CFAP99: variants seen among roughly 807,000 people sequenced by gnomAD.
The protein encoded by CFAP99 is cilia- and flagella-associated protein 99.
Under a neutral mutation model 82.7 loss-of-function variants are expected in CFAP99, and 84 were observed. The observed-to-expected ratio is 1.02, with a 90% CI of 0.85 to 1.22. The LOEUF is 1.22. CFAP99 is among the 50% of genes most tolerant of loss of function. The pLI is 0.00. For synonymous variants in CFAP99, 456 were observed against 429.5 expected (o/e 1.06, Z -0.76); for missense variants, 1,059 against 983.5 (o/e 1.08, Z -1.03).
At chr4:2,442,713 C>T (rs1347174063) in intron 4 of CFAP99, among the ~76,000 whole-genome samples, 2 of 152,194 alleles carry the variant, frequency 1.3e-5, no homozygotes, top group African/African-American at 4.8e-5. Flanking sequence ...GGATGTGCCG[C>T]CAGCTTCTCA....
In CFAP99 at chr4:2,462,885, G is replaced by A; in HGVS notation, c.2104G>A (p.Gly702Ser). Residue 702 changes from glycine (G) to serine (S), a missense_variant, in exon 15 of 15, where the codon GGC becomes AGC. Coordinates refer to ENST00000635017, the Ensembl canonical transcript of CFAP99. This position sits in a 1 kb window ranked among gnomAD's most constrained non-coding sequence, Gnocchi z 4.1. ...CAGGCTGCAGGCGCTGCAGCAGGGA[G>A]GCTCAGGACCCGGGCCCGCGCGCCG... is the stretch of plus-strand genomic sequence containing the variant. 7.3e-7 allele frequency: 1 copy of A among 1,375,414 alleles called. No individual in the cohort carries two copies. The highest frequency in any genetic ancestry group is 9.4e-7 in the Non-Finnish European group (1 of 1,064,684). The allele number at this position is 1,375,414 out of a possible 1,614,324, so 85.2% of individuals were successfully genotyped here.
chr4:2,459,417 G>A (rs193173528), intron 13 of CFAP99, among the ~76,000 whole-genome samples, 159 bp downstream of exon 13: 82 of 152,342 alleles, frequency 5.4e-4, no homozygotes, highest in African/African-American at 1.5e-3. Flanking sequence ...CATGTGCCGC[G>A]GGCCTGGGTC....
rs1162738756 is a variant in CFAP99 at position 2,446,377 on chromosome 4, A to C, written c.642+1069A>C. On this transcript the variant is annotated intron_variant, in intron 6 of 14. Coordinates refer to ENST00000635017, the Ensembl canonical transcript of CFAP99. This position sits in a 1 kb window ranked among gnomAD's most constrained non-coding sequence, Gnocchi z 5.0. Reference sequence around the variant, plus strand: ...TCATTTTATTATTGTTGTTATTATTATTATTATTATTATTATTATTATTAT... The same window carrying C: ...TCATTTTATTATTGTTGTTATTATTCTTATTATTATTATTATTATTATTAT... 1.3e-4 allele frequency among the ~76,000 whole-genome samples: 1 copy of C among 7,828 alleles called. No homozygotes were observed. Among genetic ancestry groups the C allele is most frequent in the Non-Finnish European group, 2.9e-4 (1 of 3,492 alleles). 5.1% of individuals were successfully genotyped at this position (7,828 alleles called of 152,430 possible). A position where few individuals can be genotyped will look rare whatever the true frequency, so the allele number is the denominator to read the frequency against.
At chr4:2,447,394 A>G (rs1734188777) in intron 6 of CFAP99, among the ~76,000 whole-genome samples, 1 of 150,746 alleles carries the variant, frequency 6.6e-6, no homozygotes, top group Non-Finnish European at 1.5e-5. Flanking sequence ...AGATGATCAA[A>G]TGGTAGGATG....
At chr4:2,450,636 C>A (rs1256646507) in intron 8 of CFAP99, among the ~76,000 whole-genome samples, 3 of 152,174 alleles carry the variant, frequency 2.0e-5, no homozygotes, top group Non-Finnish European at 4.4e-5. Flanking sequence ...GACCCCAGCT[C>A]TGGGGGTGGC....
Position 2,462,648 on chromosome 4 carries a change from G to C in CFAP99, c.1867G>C (p.Gly623Arg). The C allele has an allele frequency of 7.8e-7, 1 of 1,284,582 alleles. No homozygotes were observed. The highest frequency in any genetic ancestry group is 9.8e-7 in the Non-Finnish European group (1 of 1,018,754). 79.6% of individuals were successfully genotyped at this position (1,284,582 alleles called of 1,614,324 possible). Reference sequence around the variant, plus strand: ...GGAGGAGCCCGGGCGACTGAAAGCCGGGGCCGGGTGGGGATGGCGGGCGCG... The same window carrying C: ...GGAGGAGCCCGGGCGACTGAAAGCCCGGGCCGGGTGGGGATGGCGGGCGCG... The change falls in exon 15 of 15, where the codon GGG becomes CGG. Residue 623 changes from glycine to arginine, a missense_variant. Physicochemically the swap from Gly to Arg is moderately radical, Grantham distance 125 (BLOSUM62 -2). Coordinates refer to ENST00000635017, the Ensembl canonical transcript of CFAP99. This position sits in a 1 kb window ranked among gnomAD's most constrained non-coding sequence, Gnocchi z 4.1.
intron 2 of CFAP99, among the ~76,000 whole-genome samples, chr4:2,431,192 C>A (rs1468257913): frequency 6.6e-6 from 1 of 150,520 alleles, no homozygotes; most frequent in Non-Finnish European, 1.5e-5. Flanking sequence ...CATGGTGAAA[C>A]CCCGTTTCTA....
chr4:2,461,978 T>TTA (rs577435298), intron 14 of CFAP99, among the ~76,000 whole-genome samples: 1 of 151,254 alleles, frequency 6.6e-6, no homozygotes, highest in African/African-American at 2.4e-5. Context: ...AATACTTTTT[T>TTA]AAAAAAATGT....
intron 6 of CFAP99, among the ~76,000 whole-genome samples, chr4:2,449,140 C>T (rs1274114802): frequency 1.3e-5 from 2 of 152,072 alleles, no homozygotes; most frequent in Non-Finnish European, 2.9e-5. Context: ...CCGGCCCCCT[C>T]CTGCTCCTTC....
At chr4:2,443,174 C>A in exon 5 of CFAP99, 1 of 1,535,722 alleles carries the variant, frequency 6.5e-7, no homozygotes, top group South Asian at 1.2e-5. Flanking sequence ...GCTCATGGAT[C>A]AAGGATGAGT....
At chr4:2,456,927 C>T (rs1560389708) in intron 11 of CFAP99, among the ~76,000 whole-genome samples, 1 of 149,346 alleles carries the variant, frequency 6.7e-6, no homozygotes, top group Non-Finnish European at 1.5e-5. Flanking sequence ...TTTTGGATGT[C>T]ATGGGTAATC....
chr4:2,454,917 C>T (rs944760554), intron 11 of CFAP99, among the ~76,000 whole-genome samples: 6 of 150,458 alleles, frequency 4.0e-5, no homozygotes, highest in African/African-American at 1.2e-4. Context: ...CCACCATGCC[C>T]GGCCACAGTT....
intron 6 of CFAP99, among the ~76,000 whole-genome samples, chr4:2,445,667 T>C (rs1734147812): frequency 6.6e-6 from 1 of 152,202 alleles, no homozygotes; most frequent in Non-Finnish European, 1.5e-5. Context: ...GATGTGTAGA[T>C]GACAGCATAC....
rs1395128546 is a variant in CFAP99 at position 2,448,608 on chromosome 4, C to G, written c.643-1062C>G. On this transcript the variant is annotated intron_variant, in intron 6 of 14. Transcript: ENST00000635017. This position sits in a 1 kb window ranked among gnomAD's most constrained non-coding sequence, Gnocchi z 5.2. ...CATGGAGTAAAAAACCAGAAGTGAG[C>G]AAGTCGGCCATGGGGTGTCTCAGAG... Among the ~76,000 whole-genome samples the G allele has an allele frequency of 6.6e-6, 1 of 152,208 alleles. No individual in the cohort carries two copies. Among genetic ancestry groups the G allele is most frequent in the African/African-American group, 2.4e-5 (1 of 41,452 alleles).
At chr4:2,429,967 C>T (rs577550704) in intron 2 of CFAP99, among the ~76,000 whole-genome samples, 24 of 152,338 alleles carry the variant, frequency 1.6e-4, no homozygotes, top group African/African-American at 4.6e-4. Flanking sequence ...TTGGACAACT[C>T]GCTTTCCTCT....
chr4:2,454,594 G>GTTTTTTTTTTTTTTTTTTTTTTT (rs1204498727), intron 11 of CFAP99, among the ~76,000 whole-genome samples: 18 of 84,530 alleles, frequency 2.1e-4, no homozygotes, highest in East Asian at 4.1e-4. Flanking sequence ...TTTTTTTTTT[G>GTTTTTTTTTTTTTTTTTTTTTTT]TTTTTTTTTT....
intron 6 of CFAP99, among the ~76,000 whole-genome samples, chr4:2,447,210 GTAGA>G (rs2108728113): frequency 6.6e-6 from 1 of 151,592 alleles, no homozygotes; most frequent in Admixed American, 6.6e-5. Flanking sequence ...GAATGAGTTG[GTAGA>G]TAGATGGAGG....
rs144026086 is a variant in CFAP99 at position 2,448,077 on chromosome 4, A to T, written c.643-1593A>T. ...GATGGATAGATGGATAGACAAATGG[A>T]TGGATGGGTGGGTGAGTGGGTGGAT... On this transcript the variant is annotated intron_variant, in intron 6 of 14. Transcript: ENST00000635017. This position sits in a 1 kb window ranked among gnomAD's most constrained non-coding sequence, Gnocchi z 5.2. Among the ~76,000 whole-genome samples, 311 of 151,700 alleles carry T rather than the reference A, an allele frequency of 2.1e-3. 1 individual carries two copies. Among genetic ancestry groups the T allele is most frequent in the African/African-American group, 6.4e-3 (264 of 41,348 alleles).
chr4:2,461,499 G>C (rs1463880548), intron 14 of CFAP99, among the ~76,000 whole-genome samples: 1 of 152,214 alleles, frequency 6.6e-6, no homozygotes, highest in Non-Finnish European at 1.5e-5. Flanking sequence ...TGCTGTACAG[G>C]GCGGGCTGGC....
Sources: allele counts gnomAD v4.1 joint callset (sites outside exome capture counted in the v4.1 genomes callset), GRCh38; gene constraint gnomAD v4.1.1; non-coding constraint Gnocchi (gnomAD v3.1); transcripts MANE v1.5; gene names NCBI Gene and HGNC (gene_info 2026-07-23, HGNC 2026-07-21).